Variants in RFC1 observed in about 807,000 individuals in gnomAD.
RFC1 encodes replication factor C subunit 1.
In RFC1, 37 loss-of-function variants were observed where a neutral mutation model predicts 137.4. The ratio of observed to expected loss-of-function variants is 0.27; its 90% CI spans 0.21 to 0.35. The LOEUF (loss-of-function observed/expected upper bound fraction) is 0.35. Among genes scored for constraint, RFC1 ranks in the 10% least tolerant of loss-of-function variants. The probability of loss-of-function intolerance (pLI) is 1.00; values close to 1 mark genes in which losing one functional copy is unlikely to be tolerated. For missense variants in RFC1, 1,205 were observed against 1,358.5 expected, an observed-to-expected ratio of 0.89 and a Z score of 1.78; for synonymous variants, 429 against 455.7, an observed-to-expected ratio of 0.94 and a Z score of 0.75.
chr4:39,292,615 A>ATTATTTATTTAT (rs58733449), intron 22 of RFC1, among the ~76,000 whole-genome samples: 102 of 144,054 alleles, frequency 7.1e-4, no homozygotes, highest in African/African-American at 1.9e-3. Context: ...ATATGTATAC[A>ATTATTTATTTAT]TTATTTATTT....
intron 1 of RFC1, among the ~76,000 whole-genome samples, chr4:39,362,577 A>T (rs1171323223): frequency 6.6e-6 from 1 of 152,258 alleles, no homozygotes; most frequent in Non-Finnish European, 1.5e-5. Flanking sequence ...GGACAACTAG[A>T]TGTCCACATA....
chr4:39,328,246 C>T (rs2109689409), intron 4 of RFC1, among the ~76,000 whole-genome samples: 1 of 152,280 alleles, frequency 6.6e-6, no homozygotes, highest in Admixed American at 6.5e-5. Flanking sequence ...GCTATATCCC[C>T]CAGTTACTAC....
chr4:39,356,841 G>T (rs963147270), intron 1 of RFC1, among the ~76,000 whole-genome samples: 1 of 152,130 alleles, frequency 6.6e-6, no homozygotes. Flanking sequence ...TAACAGTCTA[G>T]CATGGGTCTC....
rs1737940860 is a variant in RFC1 at position 39,295,618 on chromosome 4, G to C, written c.2950C>G (p.Leu984Val). 1.9e-6 allele frequency: 3 copies of C among 1,605,992 alleles called. No individual in the cohort carries two copies. The highest frequency in any genetic ancestry group is 2.6e-6 in the Non-Finnish European group (3 of 1,175,730). Reference sequence around the variant, plus strand: ...AAACAGAGTAATCCCACCTACCTGAGACTCATATGCAAGGCCAGGTCCTGA... The same window carrying C: ...AAACAGAGTAATCCCACCTACCTGACACTCATATGCAAGGCCAGGTCCTGA... Reference protein sequence around the residue: ...IVQDLALHMSLRTYSSKRTVN... With the variant: ...IVQDLALHMSVRTYSSKRTVN... The change falls in exon 22 of 25, where the codon CTC (leucine) becomes GTC (valine). Residue 984 changes from leucine to valine, a missense_variant. Leu to Val is a conservative substitution (Grantham distance 32, BLOSUM62 1). Around this residue, in one of 3 missense-constraint regions of RFC1, gnomAD observed 237 missense variants for 304.2 expected, o/e 0.78. Coordinates refer to ENST00000349703, the MANE Select transcript of RFC1 (RefSeq NM_002913.5).
chr4:39,311,806 G>A (rs374056743), intron 11 of RFC1, among the ~76,000 whole-genome samples: 141 of 152,324 alleles, frequency 9.3e-4, no homozygotes, highest in African/African-American at 3.2e-3. Flanking sequence ...TACTTTTGTG[G>A]ACTGCTTTAC....
chr4:39,358,268 G>A (rs116104168), intron 1 of RFC1, among the ~76,000 whole-genome samples: 1,768 of 151,300 alleles, frequency 0.012, 20 homozygotes, highest in Non-Finnish European at 0.018. Flanking sequence ...GCAAAATTCC[G>A]TTTCAAAAAA....
chr4:39,350,116 T>A (rs536761221), intron 2 of RFC1, among the ~76,000 whole-genome samples: 1 of 151,650 alleles, frequency 6.6e-6, no homozygotes, highest in Admixed American at 6.6e-5. Context: ...ATACAATATG[T>A]AAAATAAAAA....
At chr4:39,300,203 T>C in intron 20 of RFC1, 57 bp downstream of exon 20, 1 of 1,611,568 alleles carries the variant, frequency 6.2e-7, no homozygotes, top group African/African-American at 1.3e-5. Context: ...TTCACGGGTA[T>C]TTAGCCTTCG....
chr4:39,324,685 A>G (rs2109679158), intron 6 of RFC1, among the ~76,000 whole-genome samples: 1 of 152,340 alleles, frequency 6.6e-6, no homozygotes, highest in African/African-American at 2.4e-5. Context: ...TGATGTAACA[A>G]TGGTTGAGTG....
At chr4:39,323,508 AC>A (rs1185261915) in intron 6 of RFC1, 91 bp from the exon 7 acceptor site, 5 of 1,031,398 alleles carry the variant, frequency 4.8e-6, no homozygotes, top group Non-Finnish European at 5.9e-6. Context: ...TTTAGAAGAA[AC>A]TAGAAAAACA....
rs17335041 is a variant in RFC1 at position 39,317,439 on chromosome 4, T to C, written c.1096-417A>G. 1.7e-3 allele frequency among the ~76,000 whole-genome samples: 257 copies of C among 152,350 alleles called. 1 individual carries two copies. The highest frequency in any genetic ancestry group is 6.0e-3 in the African/African-American group (248 of 41,588). ...CCGAGAAGATATTCTGTGTTAATCC[T>C]ATGACCTTCCATGCCCCTAAAGCAC... is the stretch of plus-strand genomic sequence containing the variant. On this transcript the variant is annotated intron_variant, in intron 9 of 24. Coordinates refer to ENST00000349703, the MANE Select transcript of RFC1 (RefSeq NM_002913.5).
At position 39,302,859 on chromosome 4, in the gene RFC1, T is replaced by C; in HGVS notation, c.2218A>G (p.Ile740Val). ...RGGIQELIGL[I>V]KHTKIPIICM... ...ATAATGGGAATTTTAGTATGTTTTA[T>C]CAGGCCAATTAATTCCTGAAAGGCA... The change falls in exon 17 of 25, where the codon ATA becomes GTA. Residue 740 changes from isoleucine to valine, a missense_variant. Transcript: ENST00000349703. The C allele has an allele frequency of 6.3e-7, 1 of 1,584,934 alleles. No homozygotes were observed. Among genetic ancestry groups the C allele is most frequent in the Non-Finnish European group, 8.6e-7 (1 of 1,168,820 alleles).
chr4:39,329,581 A>C (rs1239073964), intron 4 of RFC1, among the ~76,000 whole-genome samples: 1 of 151,266 alleles, frequency 6.6e-6, no homozygotes, highest in Non-Finnish European at 1.5e-5. Context: ...AAAAAGAAAA[A>C]GAAAAATTAA....
chr4:39,362,147 C>T (rs904799622), intron 1 of RFC1, among the ~76,000 whole-genome samples: 28 of 152,154 alleles, frequency 1.8e-4, no homozygotes, highest in Non-Finnish European at 2.6e-4. Context: ...CTACAAAATA[C>T]TATTTAAACA....
rs750536992 is a variant in RFC1, at chr4:39,323,395, T to C, written c.665A>G (p.Asp222Gly). The C allele has an allele frequency of 3.1e-6, 5 of 1,614,072 alleles. No homozygotes were observed. The highest frequency in any genetic ancestry group is 1.1e-5 in the South Asian group (1 of 91,074). Reference protein sequence around the residue: ...DAELERQLHEDEEFARTLAML... With the variant: ...DAELERQLHEGEEFARTLAML... ...GGCTAATGTTCTGGCAAACTCTTCA[T>C]CTTCATGCAACTGCCTCTCCAGCTG... Residue 222 changes from aspartate (D) to glycine (G), a missense_variant, in exon 7 of 25, where the codon GAT (aspartate) becomes GGT (glycine). Coordinates refer to ENST00000349703, the MANE Select transcript of RFC1 (RefSeq NM_002913.5).
At chr4:39,325,037 C>G (rs1237489949) in intron 6 of RFC1, among the ~76,000 whole-genome samples, 1 of 152,218 alleles carries the variant, frequency 6.6e-6, no homozygotes, top group Non-Finnish European at 1.5e-5. Flanking sequence ...CTCTCCTTTG[C>G]TGGATCATCC....
intron 4 of RFC1, among the ~76,000 whole-genome samples, chr4:39,331,684 CAT>C (rs765606006): frequency 3.9e-5 from 6 of 152,086 alleles, no homozygotes; most frequent in Admixed American, 6.6e-5. Context: ...GAAATATATT[CAT>C]ATGTTTACTA....
At chr4:39,289,652 G>A in intron 24 of RFC1, 196 bp downstream of exon 24, 1 of 530,048 alleles carries the variant, frequency 1.9e-6, no homozygotes, top group Non-Finnish European at 3.3e-6. Flanking sequence ...TTTTCTTGCT[G>A]TTTGGCTCTT....
At chr4:39,295,472 A>G in intron 22 of RFC1, 142 bp downstream of exon 22, 2 of 616,892 alleles carry the variant, frequency 3.2e-6, no homozygotes, top group Non-Finnish European at 5.3e-6. Flanking sequence ...ATAAAATATA[A>G]GGAACTTATC....
Sources: allele counts gnomAD v4.1 joint callset (sites outside exome capture counted in the v4.1 genomes callset), GRCh38; gene constraint gnomAD v4.1.1; regional missense constraint gnomAD v4.1.1; transcripts MANE v1.5; gene names NCBI Gene and HGNC (gene_info 2026-07-23, HGNC 2026-07-21).